The following ARHGAP6 variants were observed in gnomAD, a reference collection of about 807,000 sequenced individuals.
The protein encoded by ARHGAP6 is Rho GTPase activating protein 6.
Under a neutral mutation model 55.7 loss-of-function variants are expected in ARHGAP6, and 16 were observed. The ratio of observed to expected loss-of-function variants is 0.29; its 90% confidence interval spans 0.19 to 0.44. ARHGAP6 has a LOEUF of 0.44. ARHGAP6 is among the 20% of genes least tolerant of loss of function. The probability of loss-of-function intolerance (pLI) is 1.00; values close to 1 mark genes in which losing one functional copy is unlikely to be tolerated. For missense variants in ARHGAP6, 698 were observed against 808.9 expected (o/e 0.86, Z 1.66); for synonymous variants, 382 against 360.9 (o/e 1.06, Z -0.66).
In ARHGAP6 at chrX:11,623,553, C is replaced by T. The variant is rs762458593; in HGVS notation, c.588+40688G>A. On this transcript the variant is annotated intron_variant, in intron 1 of 12. Coordinates refer to ENST00000337414, the MANE Select transcript of ARHGAP6 (RefSeq NM_013427.3). ...AAAAAAAAAAAATACAAATATTAGCCGGGCATGGCGGCGGGCACCTGTAGT... is the reference window on the plus strand; with the variant it reads ...AAAAAAAAAAAATACAAATATTAGCTGGGCATGGCGGCGGGCACCTGTAGT... Among the ~76,000 whole-genome samples, 282 of 108,641 alleles carry T rather than the reference C, an allele frequency of 2.6e-3. 1 individual carries two copies. Among genetic ancestry groups the T allele is most frequent in the African/African-American group, 8.8e-3 (263 of 29,859 alleles). 94.3% of individuals were successfully genotyped at this position (108,641 alleles called of 115,157 possible). A position where few individuals can be genotyped will look rare whatever the true frequency, so the allele number is the denominator to read the frequency against.
At chrX:11,626,167 A>C (rs1455987382) in intron 1 of ARHGAP6, among the ~76,000 whole-genome samples, 2 of 112,069 alleles carry the variant, frequency 1.8e-5, no homozygotes, top group Admixed American at 9.5e-5. Context: ...ATACAATAAA[A>C]TCTTAAATCA....
intron 1 of ARHGAP6, chrX:11,334,258 G>T (rs2048600658): frequency 7.1e-6 from 1 of 141,140 alleles, no homozygotes. Flanking sequence ...AATGGCATAG[G>T]CAAGATTACC....
intron 1 of ARHGAP6, among the ~76,000 whole-genome samples, chrX:11,407,533 T>C (rs1386408516): frequency 8.9e-6 from 1 of 112,279 alleles, no homozygotes; most frequent in Non-Finnish European, 1.9e-5. Flanking sequence ...CTGAGTCATA[T>C]GGTAACTCTA....
intron 1 of ARHGAP6, among the ~76,000 whole-genome samples, chrX:11,411,437 C>T (rs946546186): frequency 2.8e-5 from 3 of 106,402 alleles, no homozygotes; most frequent in African/African-American, 1.0e-4. Context: ...ATTGTGTAAC[C>T]ATAACTATTA....
At chrX:11,362,874 T>C (rs920248979) in intron 1 of ARHGAP6, among the ~76,000 whole-genome samples, 2 of 111,129 alleles carry the variant, frequency 1.8e-5, no homozygotes, top group Admixed American at 9.6e-5. Context: ...ATCGGTCACA[T>C]AGATAAAATT....
In ARHGAP6 at chrX:11,664,552, G is replaced by C; in HGVS notation, c.277C>G (p.Leu93Val). Residue 93 changes from leucine (L) to valine (V), a missense_variant, in exon 1 of 13, where the codon CTA (leucine) becomes GTA (valine). Physicochemically the swap from Leu to Val is conservative, Grantham distance 32. Coordinates refer to ENST00000337414, the MANE Select transcript of ARHGAP6 (RefSeq NM_013427.3). ...GAGCAAAGAGGTCCAGGAGGCGGTA[G>C]CCTGGTGGCCCTGGGGGGCGGACCC... ...SRGPPPRATR[L>V]PPPGPLCSSF... The C allele has an allele frequency of 8.4e-7, 1 of 1,194,416 alleles. No individual in the cohort carries two copies. Among genetic ancestry groups the C allele is most frequent in the South Asian group, 1.8e-5 (1 of 54,606 alleles).
rs139726464 is a variant in ARHGAP6, at chrX:11,664,343, G to A, written c.486C>T (p.Gly162=). 4.1e-6 allele frequency: 5 copies of A among 1,212,082 alleles called. No homozygotes were observed. Among genetic ancestry groups the A allele is most frequent in the Non-Finnish European group, 5.6e-6 (5 of 895,559 alleles). The part of the protein sequence containing the change: ...ASSILCSSGG[G]PNGIFASPRR... Reference sequence around the variant, plus strand: ...TAGGAGAAGCGAAGATGCCATTGGGGCCTCCCCCGGATGAACAGAGGATGC... The same window carrying A: ...TAGGAGAAGCGAAGATGCCATTGGGACCTCCCCCGGATGAACAGAGGATGC... The change falls in exon 1 of 13, where the codon GGC becomes GGT. Residue 162 remains glycine, a synonymous_variant. Coordinates refer to ENST00000337414, the MANE Select transcript of ARHGAP6 (RefSeq NM_013427.3).
At chrX:11,485,034 C>CA (rs2050497229) in intron 1 of ARHGAP6, among the ~76,000 whole-genome samples, 5 of 108,133 alleles carry the variant, frequency 4.6e-5, no homozygotes, top group African/African-American at 1.4e-4. Flanking sequence ...CAAACAACAA[C>CA]AACAAAAAAA....
At chrX:11,225,797 C>G (rs781069448) in intron 2 of ARHGAP6, 16 of 355,272 alleles carry the variant, frequency 4.5e-5, no homozygotes, top group Admixed American at 8.9e-5. Flanking sequence ...TTATAAAATA[C>G]AACTCATGAA....
chrX:11,148,355 T>C (rs1049388034), intron 10 of ARHGAP6, among the ~76,000 whole-genome samples: 7 of 111,386 alleles, frequency 6.3e-5, no homozygotes, highest in African/African-American at 2.0e-4. Context: ...GTCTTGGAGT[T>C]TGATGGATTG....
chrX:11,625,040 T>C (rs763070564), intron 1 of ARHGAP6, among the ~76,000 whole-genome samples: 1 of 111,989 alleles, frequency 8.9e-6, no homozygotes, highest in East Asian at 2.8e-4. Flanking sequence ...GAAAAGGCAA[T>C]GCTAGTATAC....
chrX:11,602,148 T>A (rs2051983029), intron 1 of ARHGAP6, among the ~76,000 whole-genome samples: 1 of 111,641 alleles, frequency 9.0e-6, no homozygotes, highest in Non-Finnish European at 1.9e-5. Context: ...TGATACTTTT[T>A]AAGTCTTATT....
chrX:11,250,361 T>C (rs2047407271), intron 2 of ARHGAP6, among the ~76,000 whole-genome samples: 1 of 112,327 alleles, frequency 8.9e-6, no homozygotes, highest in Non-Finnish European at 1.9e-5. Flanking sequence ...AGACTCTGTG[T>C]TGTGGGATTA....
chrX:11,342,785 C>A (rs1249894727), intron 1 of ARHGAP6, among the ~76,000 whole-genome samples: 1 of 112,314 alleles, frequency 8.9e-6, no homozygotes, highest in African/African-American at 3.2e-5. Context: ...AGTTTTATTA[C>A]CTCATGCATT....
chrX:11,461,468 G>A (rs371994839), intron 1 of ARHGAP6, among the ~76,000 whole-genome samples: 11 of 111,836 alleles, frequency 9.8e-5, no homozygotes, highest in African/African-American at 3.6e-4. Context: ...CCACACAAAG[G>A]GGGGAGCTAT....
intron 1 of ARHGAP6, among the ~76,000 whole-genome samples, chrX:11,471,532 C>T (rs866654617): frequency 7.2e-5 from 8 of 111,770 alleles, no homozygotes; most frequent in African/African-American, 1.6e-4. Flanking sequence ...TGTGCATTAA[C>T]GATATGTGCA....
Position 11,169,560 on chromosome X carries a change from G to A in ARHGAP6, c.1754C>T (p.Thr585Met), listed in dbSNP as rs376590462. 6.6e-6 allele frequency: 8 copies of A among 1,204,146 alleles called. No homozygotes were observed. In the African/African-American group the frequency reaches 8.8e-5, roughly 13 times the overall value. Reference sequence around the variant, plus strand: ...CTTTTGCACAACAGCGATGATGGCCGTGCTCTCCTCAGCCCGGGCTGAACT... The same window carrying A: ...CTTTTGCACAACAGCGATGATGGCCATGCTCTCCTCAGCCCGGGCTGAACT... ...VQSSARAEESTAIIAVVQKMI... is the reference protein window; with the variant it reads ...VQSSARAEESMAIIAVVQKMI... Residue 585 changes from threonine to methionine, a missense_variant, in exon 9 of 13, where the codon ACG becomes ATG. Physicochemically the swap from Thr to Met is moderately conservative, Grantham distance 81 (BLOSUM62 -1). Coordinates refer to ENST00000337414, the MANE Select transcript of ARHGAP6 (RefSeq NM_013427.3).
intron 1 of ARHGAP6, among the ~76,000 whole-genome samples, chrX:11,342,418 A>G (rs1023226977): frequency 2.7e-5 from 3 of 112,182 alleles, no homozygotes; most frequent in African/African-American, 9.7e-5. Context: ...TATAGTCTGG[A>G]TCCTCTTCAG....
chrX:11,211,943 G>A (rs992947826), intron 2 of ARHGAP6, among the ~76,000 whole-genome samples: 1 of 111,549 alleles, frequency 9.0e-6, no homozygotes, highest in Non-Finnish European at 1.9e-5. Flanking sequence ...ATAAAGATAA[G>A]AAGATAGTCC....
Sources: allele counts gnomAD v4.1 joint callset (sites outside exome capture counted in the v4.1 genomes callset), GRCh38; gene constraint gnomAD v4.1.1; transcripts MANE v1.5; gene names NCBI Gene and HGNC (gene_info 2026-07-23, HGNC 2026-07-21).